The following SGCD variants were observed in gnomAD, a reference collection of about 807,000 sequenced individuals.
SGCD encodes delta-sarcoglycan.
In SGCD, 18 loss-of-function variants were observed where a neutral mutation model predicts 36.6. That is an observed-to-expected ratio of 0.49 (90% CI 0.34 to 0.73). The LOEUF is 0.73. Ranked by LOEUF, SGCD falls within the 30% of genes least tolerant of loss-of-function variation. The probability of loss-of-function intolerance (pLI) is 0.01; values close to 1 mark genes in which losing one functional copy is unlikely to be tolerated. For synonymous variants in SGCD, 133 were observed against 130.6 expected (o/e 1.02, Z -0.12); for missense variants, 387 against 346.7 (o/e 1.12, Z -0.92).
chr5:156,030,200 T>C (rs554608662), intron 1 of SGCD, among the ~76,000 whole-genome samples: 7 of 152,318 alleles, frequency 4.6e-5, no homozygotes, highest in African/African-American at 1.7e-4. Flanking sequence ...CAAATTACCA[T>C]GGTTGAATTG....
rs1296549667 is a variant in SGCD at position 156,647,462 on chromosome 5, A to G, written c.503-2A>G. The G allele has an allele frequency of 6.3e-7, 1 of 1,577,316 alleles. No homozygotes were observed. The highest frequency in any genetic ancestry group is 2.3e-5 in the East Asian group (1 of 43,682). On this transcript the variant is annotated splice_acceptor_variant, in intron 6 of 8. Coordinates refer to ENST00000337851, the MANE Select transcript of SGCD (RefSeq NM_000337.6). LOFTEE classifies it high-confidence loss of function. ...CTGTTTGCTTTTCTGTTTTGTTTAC[A>G]GGAGCGGAGGGCACAGTGTTCCCTA...
chr5:156,146,760 G>A (rs956278387), intron 3 of SGCD, among the ~76,000 whole-genome samples: 1 of 152,168 alleles, frequency 6.6e-6, no homozygotes, highest in Non-Finnish European at 1.5e-5. Context: ...CCACTAGAGA[G>A]TTAAAGTACA....
chr5:156,693,811 A>G (rs942203131), intron 7 of SGCD, among the ~76,000 whole-genome samples: 2 of 152,144 alleles, frequency 1.3e-5, no homozygotes, highest in Non-Finnish European at 2.9e-5. Context: ...TCTAATTGGA[A>G]TTAGCTGCCA....
chr5:155,964,179 T>C (rs1561665171), intron 1 of SGCD, among the ~76,000 whole-genome samples: 1 of 152,160 alleles, frequency 6.6e-6, no homozygotes, highest in Non-Finnish European at 1.5e-5. Flanking sequence ...ATCATCTTCT[T>C]TTATATCATG....
chr5:155,821,899 C>A, the SGCD span, among the ~76,000 whole-genome samples: 1 of 152,158 alleles, frequency 6.6e-6, no homozygotes, highest in Non-Finnish European at 1.5e-5. Flanking sequence ...TAATGCCTAT[C>A]TTAGAGGATT....
chr5:155,948,335 T>A (rs947935460), intron 1 of SGCD, among the ~76,000 whole-genome samples: 2 of 152,154 alleles, frequency 1.3e-5, no homozygotes, highest in African/African-American at 4.8e-5. Context: ...AGTGCCTTAC[T>A]CCCAGTAGGT....
intron 6 of SGCD, among the ~76,000 whole-genome samples, chr5:156,635,912 C>T (rs1762811949): frequency 6.6e-6 from 1 of 151,840 alleles, no homozygotes; most frequent in Non-Finnish European, 1.5e-5. Flanking sequence ...GGAGGGATAG[C>T]ATTAGGAGGT....
intron 6 of SGCD, among the ~76,000 whole-genome samples, chr5:156,602,381 G>A (rs1284132540): frequency 1.3e-5 from 2 of 151,748 alleles, no homozygotes; most frequent in Admixed American, 6.6e-5. Flanking sequence ...TTTTCCATAT[G>A]TTATATATAA....
At chr5:156,601,722 C>T (rs561212883) in intron 6 of SGCD, among the ~76,000 whole-genome samples, 10 of 152,176 alleles carry the variant, frequency 6.6e-5, no homozygotes, top group Admixed American at 2.0e-4. Flanking sequence ...CTGGCTCTGT[C>T]GCCCATGCTG....
intron 3 of SGCD, among the ~76,000 whole-genome samples, chr5:156,358,011 T>G (rs1024587181): frequency 1.3e-4 from 20 of 152,228 alleles, no homozygotes; most frequent in Non-Finnish European, 1.9e-4. Flanking sequence ...TTCTGGTCCC[T>G]TAGCTAATCA....
At chr5:155,888,711 C>T (rs544150316) in intron 1 of SGCD, among the ~76,000 whole-genome samples, 1 of 152,226 alleles carries the variant, frequency 6.6e-6, no homozygotes, top group African/African-American at 2.4e-5. Flanking sequence ...ATGTTTCTTT[C>T]TTAGAAGTAA....
intron 3 of SGCD, among the ~76,000 whole-genome samples, chr5:156,154,468 A>G (rs543592358): frequency 1.3e-5 from 2 of 151,880 alleles, no homozygotes; most frequent in East Asian, 3.9e-4. Flanking sequence ...CTGATAAAAA[A>G]CAAATTCATT....
chr5:155,867,878 G>T (rs1298114852), upstream of SGCD, among the ~76,000 whole-genome samples: 20 of 152,236 alleles, frequency 1.3e-4, no homozygotes, highest in African/African-American at 4.8e-4. Context: ...TAAGTAATTG[G>T]TCTAAGGTCA....
intron 6 of SGCD, among the ~76,000 whole-genome samples, chr5:156,619,412 A>C (rs190729449): frequency 7.6e-4 from 116 of 152,336 alleles, no homozygotes; most frequent in African/African-American, 2.7e-3. Context: ...TTTCTCTATC[A>C]AGCCATAGTT....
the SGCD span, among the ~76,000 whole-genome samples, chr5:155,810,509 T>C: frequency 6.6e-6 from 1 of 152,278 alleles, no homozygotes; most frequent in East Asian, 1.9e-4. Context: ...TTTATTTATT[T>C]ATTTCATAAT....
At chr5:156,061,728 T>A (rs1023336675) in intron 1 of SGCD, among the ~76,000 whole-genome samples, 3 of 145,220 alleles carry the variant, frequency 2.1e-5, no homozygotes, top group African/African-American at 7.4e-5. Flanking sequence ...TTATTCTCAA[T>A]GTAAAGAAAA....
chr5:155,791,492 T>G, the SGCD span, among the ~76,000 whole-genome samples: 2 of 152,120 alleles, frequency 1.3e-5, no homozygotes, highest in Non-Finnish European at 2.9e-5. Flanking sequence ...GATGATATGG[T>G]TCTATACATA....
At chr5:155,733,013 C>G in the SGCD span, among the ~76,000 whole-genome samples, 1 of 71,228 alleles carries the variant, frequency 1.4e-5, no homozygotes, top group Non-Finnish European at 2.7e-5. Flanking sequence ...TTGTTATACT[C>G]GTTTTTTTTT....
intron 3 of SGCD, among the ~76,000 whole-genome samples, chr5:156,449,677 C>CAAAAAA (rs397883573): frequency 0.19 from 8,900 of 45,952 alleles, 944 homozygotes; most frequent in African/African-American, 0.21. Context: ...ACTAAAAATA[C>CAAAAAA]AAAAAAAAAA....
Sources: gnomAD v4.1 joint callset for allele counts (sites outside exome capture counted in the v4.1 genomes callset) on GRCh38, gnomAD v4.1.1 for gene constraint, MANE v1.5 for transcripts, NCBI Gene and HGNC (gene_info 2026-07-23, HGNC 2026-07-21) for gene names.